The following KIF24 variants were observed in gnomAD, a reference collection of about 807,000 sequenced individuals.
The protein encoded by KIF24 is kinesin family member 24.
A neutral mutation model predicts 118.9 loss-of-function variants in KIF24; 81 were observed. That is an observed-to-expected ratio of 0.68 (90% CI 0.57 to 0.82). KIF24 has a LOEUF of 0.82. Ranked by LOEUF, KIF24 falls within the 40% of genes least tolerant of loss-of-function variation. KIF24 has a pLI of 0.00. For synonymous variants in KIF24, 599 were observed against 610.0 expected, an observed-to-expected ratio of 0.98 and a Z score of 0.27; for missense variants, 1,560 against 1,661.6, an observed-to-expected ratio of 0.94 and a Z score of 1.06.
chr9:34,264,414 A>G (rs1056637707), intron 8 of KIF24, among the ~76,000 whole-genome samples: 8 of 151,516 alleles, frequency 5.3e-5, no homozygotes, highest in Non-Finnish European at 7.4e-5. Flanking sequence ...TGGGTGACAG[A>G]GCGAGACTCC....
intron 4 of KIF24, among the ~76,000 whole-genome samples, chr9:34,291,290 C>T (rs566081226): frequency 2.1e-4 from 32 of 152,196 alleles, no homozygotes; most frequent in African/African-American, 7.0e-4. Context: ...ATAGGAATAG[C>T]GTGAACAGAG....
At chr9:34,307,070 G>GA (rs982765616) in intron 2 of KIF24, among the ~76,000 whole-genome samples, 1 of 151,928 alleles carries the variant, frequency 6.6e-6, no homozygotes, top group African/African-American at 2.4e-5. Context: ...ACTGGCTGCT[G>GA]AAAAAAAATT....
At chr9:34,315,543 C>T (rs538229193) in intron 1 of KIF24, among the ~76,000 whole-genome samples, 133 of 152,266 alleles carry the variant, frequency 8.7e-4, no homozygotes, top group African/African-American at 3.0e-3. Flanking sequence ...TTATGACATA[C>T]ATACTCATTT....
chr9:34,332,789 C>A (rs191476698), upstream of KIF24, among the ~76,000 whole-genome samples: 219 of 152,272 alleles, frequency 1.4e-3, 5 homozygotes, highest in Admixed American at 0.012. Flanking sequence ...GGAATATTTT[C>A]TTTGTCTCAA....
In KIF24 at chr9:34,257,246, T is replaced by C. The variant is rs990691075; in HGVS notation, c.2361A>G (p.Lys787=). The part of the protein sequence containing the change: ...LQQKLKYQPL[K]RSLRQYRPPE... ...GGGGCCTGTACTGGCGTAAAGACCT[T>C]TTCAGTGGTTGGTATTTTAACTTCT... The change falls in exon 11 of 13, where the codon AAA becomes AAG. Residue 787 remains lysine (K), a synonymous_variant. Transcript: ENST00000402558. The C allele has an allele frequency of 6.2e-6, 10 of 1,614,008 alleles. No individual in the cohort carries two copies. The highest frequency in any genetic ancestry group is 1.7e-5 in the Admixed American group (1 of 60,016).
chr9:34,280,238 C>T (rs1055094482), intron 6 of KIF24, among the ~76,000 whole-genome samples: 1 of 130,800 alleles, frequency 7.6e-6, no homozygotes, highest in Non-Finnish European at 1.5e-5. Flanking sequence ...GAGCCAAGAT[C>T]CCGCCACTGC....
In KIF24 at chr9:34,257,785, C is replaced by T. The variant is rs1834914398; in HGVS notation, c.1822G>A (p.Val608Ile). Residue 608 changes from valine to isoleucine, a missense_variant, in exon 11 of 13, where the codon GTC becomes ATC. Coordinates refer to ENST00000402558, the MANE Select transcript of KIF24 (RefSeq NM_194313.4). ...GGTGGGTGGCTGGTCAGAGGATGGA[C>T]CTTCCCTCTCGTGGAACCAGGGGCT... ...VAAPGSTRGK[V>I]HPLTSHPPNI... 6.2e-7 allele frequency: 1 copy of T among 1,613,932 alleles called. No homozygotes were observed. Among genetic ancestry groups the T allele is most frequent in the South Asian group, 1.1e-5 (1 of 91,092 alleles).
Position 34,257,502 on chromosome 9 carries a change from T to G in KIF24, c.2105A>C (p.Lys702Thr). The G allele has an allele frequency of 6.2e-7, 1 of 1,614,074 alleles. No homozygotes were observed. The highest frequency in any genetic ancestry group is 1.1e-5 in the South Asian group (1 of 91,086). ...CTGCACTGTCTGCACTTTCTTGCACTTGGTGGACAGCTTACCACGCACTAG... is the reference window on the plus strand; with the variant it reads ...CTGCACTGTCTGCACTTTCTTGCACGTGGTGGACAGCTTACCACGCACTAG... ...EGLVRGKLST[K>T]CKKVQTVQPV... Residue 702 changes from lysine (K) to threonine (T), a missense_variant, in exon 11 of 13, where the codon AAG becomes ACG. Physicochemically the swap from Lys to Thr is moderately conservative, Grantham distance 78. Transcript: ENST00000402558.
intron 4 of KIF24, among the ~76,000 whole-genome samples, chr9:34,291,821 G>T (rs1836266553): frequency 6.6e-6 from 1 of 152,008 alleles, no homozygotes; most frequent in Admixed American, 6.6e-5. Flanking sequence ...CATTGTGACA[G>T]GAAAATAAAT....
intron 2 of KIF24, among the ~76,000 whole-genome samples, chr9:34,310,101 A>G (rs902329040): frequency 4.6e-5 from 7 of 152,116 alleles, no homozygotes; most frequent in African/African-American, 1.7e-4. Context: ...GGTGAAAATA[A>G]CTTATTGTCA....
rs549908022 is a variant in KIF24, at chr9:34,253,560, A to G, written c.*820T>C. 3 of 152,510 alleles carry G rather than the reference A, an allele frequency of 2.0e-5. No individual in the cohort carries two copies. The East Asian group carries it at 5.8e-4, about 29-fold the overall frequency. The allele number at this position is 152,510 out of a possible 1,614,324, so 9.4% of individuals were successfully genotyped here. Reference sequence around the variant, plus strand: ...TGAAGGCCAGGCTAGGAGATGGACTATTCCATGAGGGGGCTGGGTAGTGAG... The same window carrying G: ...TGAAGGCCAGGCTAGGAGATGGACTGTTCCATGAGGGGGCTGGGTAGTGAG... On this transcript the variant is annotated 3_prime_UTR_variant, in exon 13 of 13. Coordinates refer to ENST00000402558, the MANE Select transcript of KIF24 (RefSeq NM_194313.4).
At chr9:34,298,580 G>A (rs1332704071) in intron 3 of KIF24, among the ~76,000 whole-genome samples, 2 of 151,654 alleles carry the variant, frequency 1.3e-5, no homozygotes, top group Non-Finnish European at 2.9e-5. Context: ...CTAGAATAAT[G>A]AGTTAGGACT....
chr9:34,298,223 T>C (rs1836560096), intron 3 of KIF24, among the ~76,000 whole-genome samples: 2 of 152,180 alleles, frequency 1.3e-5, no homozygotes, highest in Non-Finnish European at 1.5e-5. Context: ...TTCAATGTGA[T>C]TGAAATACAG....
At chr9:34,276,496 G>T (rs1236098293) in intron 6 of KIF24, among the ~76,000 whole-genome samples, 1 of 151,182 alleles carries the variant, frequency 6.6e-6, no homozygotes, top group Non-Finnish European at 1.5e-5. Context: ...CATAGTCACA[G>T]TTTCCAAATT....
At chr9:34,317,322 G>A (rs1227821387) in intron 1 of KIF24, among the ~76,000 whole-genome samples, 2 of 151,830 alleles carry the variant, frequency 1.3e-5, no homozygotes, top group African/African-American at 4.8e-5. Flanking sequence ...CGTGGGAGGC[G>A]GACATTGCAG....
At chr9:34,301,866 G>A (rs1836719587) in intron 3 of KIF24, among the ~76,000 whole-genome samples, 1 of 151,818 alleles carries the variant, frequency 6.6e-6, no homozygotes, top group Admixed American at 6.6e-5. Flanking sequence ...AATTACAATA[G>A]AGAACAAAAT....
chr9:34,306,370 G>C lies in KIF24; in HGVS notation c.695C>G (p.Pro232Arg), dbSNP rs934573071. The change falls in exon 3 of 13, where the codon CCC (proline) becomes CGC (arginine). Residue 232 changes from proline to arginine, a missense_variant. Around this residue, in one of 3 missense-constraint regions of KIF24, gnomAD observed 964 missense variants for 988.0 expected, o/e 0.98. Transcript: ENST00000402558. ...EKIRVCVRKR[P>R]LGMREVRRGE... ...ACGACGTACCTCCCTCATGCCCAGG[G>C]GGCGTTTTCGAACACAAACTCTGAT... 1.1e-5 allele frequency: 17 copies of C among 1,612,440 alleles called. No homozygotes were observed. Among genetic ancestry groups the C allele is most frequent in the Admixed American group, 3.3e-5 (2 of 59,906 alleles).
chr9:34,270,022 G>C (rs1453003256), intron 7 of KIF24, among the ~76,000 whole-genome samples: 2 of 151,530 alleles, frequency 1.3e-5, no homozygotes, highest in Non-Finnish European at 2.9e-5. Context: ...AAGAGATCAA[G>C]ACCACCCTGG....
chr9:34,255,934 TTC>T lies in KIF24; in HGVS notation c.3671_3672del (p.Arg1224LysfsTer25). 6.2e-7 allele frequency: 1 copy of T among 1,613,998 alleles called. No homozygotes were observed. Among genetic ancestry groups the T allele is most frequent in the Non-Finnish European group, 8.5e-7 (1 of 1,179,870 alleles). On this transcript the variant is annotated frameshift_variant, in exon 11 of 13. Coordinates refer to ENST00000402558, the MANE Select transcript of KIF24 (RefSeq NM_194313.4). LOFTEE classifies it high-confidence loss of function. Reference sequence around the variant, plus strand: ...TGCCAACCAAGCCTTGTAGGATGTTTTCTCTCCTGGGCCCAGAGCTGGTCAGC... The same window carrying T: ...TGCCAACCAAGCCTTGTAGGATGTTTTCTCCTGGGCCCAGAGCTGGTCAGC... ...DVADQLWAQE[R>X]KHPTRLGWQE...
Sources: gnomAD v4.1 joint callset for allele counts (sites outside exome capture counted in the v4.1 genomes callset) on GRCh38, gnomAD v4.1.1 for gene constraint, gnomAD v4.1.1 regional missense constraint, MANE v1.5 for transcripts, NCBI Gene and HGNC (gene_info 2026-07-23, HGNC 2026-07-21) for gene names.